Variants in DCLK2 observed in about 807,000 individuals in gnomAD.
DCLK2 encodes the protein doublecortin like kinase 2, also known as serine/threonine-protein kinase DCLK2.
DCLK2 carries 31 observed loss-of-function variants against 78.4 expected under a neutral mutation model. The observed-to-expected ratio is 0.40, with a 90% CI of 0.30 to 0.53. The LOEUF (loss-of-function observed/expected upper bound fraction) is 0.53, where lower values mean the gene tolerates loss of function less well. Among genes scored for constraint, DCLK2 ranks in the 20% least tolerant of loss-of-function variants. The probability of loss-of-function intolerance (pLI) is 0.61; values close to 1 mark genes in which losing one functional copy is unlikely to be tolerated. For missense variants in DCLK2, 872 were observed against 973.7 expected, an observed-to-expected ratio of 0.90 and a Z score of 1.39; for synonymous variants, 407 against 374.9, an observed-to-expected ratio of 1.09 and a Z score of -0.99.
intron 1 of DCLK2, among the ~76,000 whole-genome samples, chr4:150,080,110 A>ACCCCC (rs1392462738): frequency 7.8e-6 from 1 of 128,104 alleles, no homozygotes; most frequent in Non-Finnish European, 1.8e-5. Context: ...GAGTCTCAAA[A>ACCCCC]GCCCCCCCCC....
intron 2 of DCLK2, among the ~76,000 whole-genome samples, chr4:150,176,470 C>T (rs558589611): frequency 3.3e-4 from 50 of 152,326 alleles, no homozygotes; most frequent in African/African-American, 1.1e-3. Flanking sequence ...CACCTGCCTA[C>T]GTTCCCAAGT....
chr4:150,174,461 CG>C (rs979818839), intron 2 of DCLK2, among the ~76,000 whole-genome samples: 1 of 152,154 alleles, frequency 6.6e-6, no homozygotes. Context: ...TTGTCAGAAG[CG>C]GGGACTGCTT....
chr4:150,088,917 G>A (rs778583412), intron 1 of DCLK2, among the ~76,000 whole-genome samples: 12 of 152,180 alleles, frequency 7.9e-5, no homozygotes, highest in Non-Finnish European at 1.5e-4. Context: ...TGCGTAGGCC[G>A]GCTGCACCAA....
chr4:150,160,654 C>T (rs1490409677), intron 2 of DCLK2, among the ~76,000 whole-genome samples: 1 of 152,192 alleles, frequency 6.6e-6, no homozygotes, highest in Non-Finnish European at 1.5e-5. Flanking sequence ...GTAATCATTA[C>T]TGTGTTCCGC....
At position 150,250,461 on chromosome 4, in the gene DCLK2, A is replaced by G. The variant is rs1580800475; in HGVS notation, c.2073+777A>G. The stretch of plus-strand genomic sequence containing the variant: ...GCGGGAAGGCCAGCTCACCGTGAGC[A>G]GGTAGAAGCCAGCCAGCCACCCAGG... On this transcript the variant is annotated intron_variant, in intron 15 of 15. Coordinates refer to ENST00000296550, the MANE Select transcript of DCLK2 (RefSeq NM_001040260.4). Among the ~76,000 whole-genome samples, 3 of 152,090 alleles carry G rather than the reference A, an allele frequency of 2.0e-5. No individual in the cohort carries two copies. The East Asian group carries it at 5.8e-4, about 29-fold the overall frequency.
chr4:150,117,166 G>T (rs1732156972), intron 2 of DCLK2, among the ~76,000 whole-genome samples: 1 of 152,146 alleles, frequency 6.6e-6, no homozygotes, highest in Non-Finnish European at 1.5e-5. Context: ...GGCTACTGGG[G>T]TAATGGTCCA....
At position 150,230,886 on chromosome 4, in the gene DCLK2, G is replaced by A. The variant is rs577343642; in HGVS notation, c.1300-1451G>A. ...AACACCATTCTTCAGATTTTGAAGC[G>A]TTTGTTGAGTCCTGAGCCAGTCAAA... On this transcript the variant is annotated intron_variant, in intron 8 of 15. Coordinates refer to ENST00000296550, the MANE Select transcript of DCLK2 (RefSeq NM_001040260.4). 7.2e-5 allele frequency among the ~76,000 whole-genome samples: 11 copies of A among 152,130 alleles called. 1 individual carries two copies. Among genetic ancestry groups the A allele is most frequent in the South Asian group, 2.1e-4 (1 of 4,818 alleles).
intron 2 of DCLK2, among the ~76,000 whole-genome samples, chr4:150,139,301 A>G (rs1733943897): frequency 6.6e-6 from 1 of 152,256 alleles, no homozygotes; most frequent in South Asian, 2.1e-4. Context: ...ACCTTCAAGA[A>G]GCCAACAAGC....
At chr4:150,161,719 C>T (rs1294170603) in intron 2 of DCLK2, among the ~76,000 whole-genome samples, 1 of 152,164 alleles carries the variant, frequency 6.6e-6, no homozygotes, top group Non-Finnish European at 1.5e-5. Flanking sequence ...TATTTTATTA[C>T]ATTGGCAAAT....
intron 4 of DCLK2, among the ~76,000 whole-genome samples, chr4:150,202,137 A>G (rs374424104): frequency 6.6e-6 from 1 of 152,206 alleles, no homozygotes; most frequent in Non-Finnish European, 1.5e-5. Flanking sequence ...TTATAATGAC[A>G]TATATTCACC....
chr4:150,221,277 G>A (rs957253927), intron 6 of DCLK2, among the ~76,000 whole-genome samples: 1 of 150,448 alleles, frequency 6.6e-6, no homozygotes, highest in Non-Finnish European at 1.5e-5. Context: ...TGGACATTTT[G>A]AAGATTAAAT....
intron 15 of DCLK2, among the ~76,000 whole-genome samples, chr4:150,252,191 C>A (rs1042695891): frequency 6.6e-6 from 1 of 152,198 alleles, no homozygotes; most frequent in Non-Finnish European, 1.5e-5. Context: ...GATTCCCTTG[C>A]GAGAGCTAGC....
chr4:150,166,938 A>T (rs970082384), intron 2 of DCLK2, among the ~76,000 whole-genome samples: 3 of 152,142 alleles, frequency 2.0e-5, no homozygotes, highest in African/African-American at 7.2e-5. Context: ...GGTGGGCGGG[A>T]CACTGCCTAA....
chr4:150,157,117 C>G (rs1057416670), intron 2 of DCLK2, among the ~76,000 whole-genome samples: 5 of 151,152 alleles, frequency 3.3e-5, no homozygotes, highest in Non-Finnish European at 7.4e-5. Flanking sequence ...AACTCAAACA[C>G]CGTGATGGAA....
intron 2 of DCLK2, among the ~76,000 whole-genome samples, chr4:150,190,841 C>G (rs897746484): frequency 2.0e-5 from 3 of 152,104 alleles, no homozygotes; most frequent in Admixed American, 6.6e-5. Context: ...AACAAAACAC[C>G]AGCAGTTTGG....
At chr4:150,241,161 T>C (rs1338852011) in intron 12 of DCLK2, among the ~76,000 whole-genome samples, 1 of 152,248 alleles carries the variant, frequency 6.6e-6, no homozygotes, top group Non-Finnish European at 1.5e-5. Flanking sequence ...AAATTCATTT[T>C]ATTGGTTCAT....
rs768056978 is a variant in DCLK2 at position 150,079,041 on chromosome 4, G to A, written c.14G>A (p.Arg5Lys). MAST[R>K]SIELEHFEER... Reference sequence around the variant, plus strand: ...GGAGCAGCCGCGATGGCCAGCACCAGGAGTATCGAGCTGGAGCACTTTGAG... The same window carrying A: ...GGAGCAGCCGCGATGGCCAGCACCAAGAGTATCGAGCTGGAGCACTTTGAG... The change falls in exon 1 of 16, where the codon AGG (arginine) becomes AAG (lysine). Residue 5 changes from arginine to lysine, a missense_variant. By Grantham distance (26) the Arg-to-Lys change is conservative. Around this residue, in one of 3 missense-constraint regions of DCLK2, gnomAD observed 567 missense variants for 593.4 expected, o/e 0.96. Coordinates refer to ENST00000296550, the MANE Select transcript of DCLK2 (RefSeq NM_001040260.4). The A allele has an allele frequency of 2.3e-5, 35 of 1,543,156 alleles. No individual in the cohort carries two copies. In the African/African-American group the frequency reaches 3.6e-4, roughly 16 times the overall value.
chr4:150,185,813 T>TTG (rs1372231026), intron 2 of DCLK2, among the ~76,000 whole-genome samples: 1 of 152,206 alleles, frequency 6.6e-6, no homozygotes, highest in Non-Finnish European at 1.5e-5. Flanking sequence ...AAAAGAGTGG[T>TTG]TGTGGCAAGC....
chr4:150,213,982 G>A (rs1198662631), intron 5 of DCLK2, among the ~76,000 whole-genome samples: 1 of 152,142 alleles, frequency 6.6e-6, no homozygotes, highest in African/African-American at 2.4e-5. Context: ...TCTAAGCTCT[G>A]ATTTCTTCAC....
Sources: allele counts gnomAD v4.1 joint callset (sites outside exome capture counted in the v4.1 genomes callset), GRCh38; gene constraint gnomAD v4.1.1; regional missense constraint gnomAD v4.1.1; transcripts MANE v1.5; gene names NCBI Gene and HGNC (gene_info 2026-07-23, HGNC 2026-07-21).